PRDM16: variants seen among roughly 807,000 people sequenced by gnomAD.
The protein encoded by PRDM16 is PR/SET domain 16.
In PRDM16, 23 loss-of-function variants were observed where a neutral mutation model predicts 110.6. The ratio of observed to expected loss-of-function variants is 0.21; its 90% CI spans 0.15 to 0.29. The LOEUF (loss-of-function observed/expected upper bound fraction) is 0.29, where lower values mean the gene tolerates loss of function less well. PRDM16 is among the 10% of genes least tolerant of loss of function. The pLI, the probability that PRDM16 is intolerant of heterozygous loss-of-function variation, is 1.00. For synonymous variants in PRDM16, 799 were observed against 781.8 expected, an observed-to-expected ratio of 1.02 and a Z score of -0.37; for missense variants, 1,615 against 1,794.3, an observed-to-expected ratio of 0.90 and a Z score of 1.81.
chr1:3,093,708 G>T, intron 1 of PRDM16, among the ~76,000 whole-genome samples: 1 of 152,208 alleles, frequency 6.6e-6, no homozygotes, highest in Non-Finnish European at 1.5e-5. Context: ...GCCGGGCAGG[G>T]AGGGACCCCT....
At chr1:3,136,802 A>T (rs1473505262) in intron 1 of PRDM16, among the ~76,000 whole-genome samples, 1 of 152,158 alleles carries the variant, frequency 6.6e-6, no homozygotes, top group Non-Finnish European at 1.5e-5. Flanking sequence ...GCTGTAATCA[A>T]TATTTCATCC....
In PRDM16 at chr1:3,358,503, A is replaced by G. The variant is rs1642653980; in HGVS notation, c.439-26649A>G. 6.6e-6 allele frequency among the ~76,000 whole-genome samples: 1 copy of G among 152,156 alleles called. No individual in the cohort carries two copies. Among genetic ancestry groups the G allele is most frequent in the Non-Finnish European group, 1.5e-5 (1 of 68,022 alleles). ...GACTCCCAGCCGCGGCTTCGGATGC[A>G]GCTGGAATAAGGTTCCAGTGTTCCC... On this transcript the variant is annotated intron_variant, in intron 3 of 16. Coordinates refer to ENST00000270722, the MANE Select transcript of PRDM16 (RefSeq NM_022114.4). This position sits in a 1 kb window ranked among gnomAD's most constrained non-coding sequence, Gnocchi z 4.0.
At chr1:3,217,736 G>A (rs932813086) in intron 2 of PRDM16, among the ~76,000 whole-genome samples, 3 of 152,096 alleles carry the variant, frequency 2.0e-5, no homozygotes, top group African/African-American at 7.2e-5. Flanking sequence ...TTTCAACACG[G>A]GAGAGCTCTT....
At chr1:3,079,376 GCCCAGCCCCTGTGTGTGCACA>G (rs1234957244) in intron 1 of PRDM16, among the ~76,000 whole-genome samples, 9 of 145,556 alleles carry the variant, frequency 6.2e-5, no homozygotes, top group Non-Finnish European at 4.6e-5. Context: ...TGCCCTGCTG[GCCCAGCCCCTGTGTGTGCACA>G]GGGATCCTGC....
chr1:3,381,402 T>G (rs186007008), intron 3 of PRDM16, among the ~76,000 whole-genome samples: 1,938 of 122,406 alleles, frequency 0.016, 21 homozygotes, highest in South Asian at 0.034. Flanking sequence ...TTTTTCTGGT[T>G]TTTTTTTTTT....
In PRDM16 at chr1:3,290,398, G is replaced by A. The variant is rs1417243392; in HGVS notation, c.438+46261G>A. ...TATAGATGAGGAGGCACAGAGAGGGGGAAATTTGCCGGTTCCCCAAAGAGC... is the reference window on the plus strand; with the variant it reads ...TATAGATGAGGAGGCACAGAGAGGGAGAAATTTGCCGGTTCCCCAAAGAGC... On this transcript the variant is annotated intron_variant, in intron 3 of 16. Transcript: ENST00000270722. The surrounding 1 kb of genome is among the most constrained non-coding windows in gnomAD (Gnocchi z 4.8). 6.6e-6 allele frequency among the ~76,000 whole-genome samples: 1 copy of A among 152,210 alleles called. No homozygotes were observed. Among genetic ancestry groups the A allele is most frequent in the African/African-American group, 2.4e-5 (1 of 41,462 alleles).
intron 3 of PRDM16, among the ~76,000 whole-genome samples, chr1:3,319,079 AGAATTTTTTTTCAGAACCCAGG>A (rs1419388449): frequency 2.6e-5 from 4 of 152,166 alleles, no homozygotes; most frequent in Non-Finnish European, 4.4e-5. Context: ...AGTCAGGAGG[AGAATTTTTTTTCAGAACCCAGG>A]GAGCAAAAAC....
At chr1:3,204,564 C>T (rs902018149) in intron 2 of PRDM16, among the ~76,000 whole-genome samples, 1 of 152,194 alleles carries the variant, frequency 6.6e-6, no homozygotes, top group African/African-American at 2.4e-5. Flanking sequence ...CGTTTCTGAA[C>T]CAGTGTGTGG....
intron 3 of PRDM16, among the ~76,000 whole-genome samples, chr1:3,280,223 ACT>A (rs1276117446): frequency 1.3e-5 from 2 of 151,750 alleles, no homozygotes; most frequent in Non-Finnish European, 2.9e-5. Context: ...GTTGAAGCCG[ACT>A]CTGTGTGTTC....
At chr1:3,332,388 T>A (rs1642058602) in intron 3 of PRDM16, among the ~76,000 whole-genome samples, 1 of 48,338 alleles carries the variant, frequency 2.1e-5, no homozygotes, top group South Asian at 6.9e-4. Flanking sequence ...CGGGGTGGTG[T>A]GGGCAGTGGG....
chr1:3,238,779 C>T (rs956005109), intron 2 of PRDM16, among the ~76,000 whole-genome samples: 3 of 152,216 alleles, frequency 2.0e-5, no homozygotes, highest in Admixed American at 1.3e-4. Flanking sequence ...TGTCTTCTTC[C>T]TGCCGAGGCA....
rs376126631 is a variant in PRDM16 at position 3,432,143 on chromosome 1, A to G, written c.3696+3A>G. On this transcript the variant is annotated splice_donor_region_variant and intron_variant, in intron 16 of 16. Coordinates refer to ENST00000270722, the MANE Select transcript of PRDM16 (RefSeq NM_022114.4). ...TGTGCAGGCAGGCTAAGAACCAGGT[A>G]GGTACCCGCCAGAGCCCCTCCCCCA... 3 of 1,612,240 alleles carry G rather than the reference A, an allele frequency of 1.9e-6. No individual in the cohort carries two copies. Among genetic ancestry groups the G allele is most frequent in the East Asian group, 2.2e-5 (1 of 44,846 alleles).
rs1046554733 is a variant in PRDM16, at chr1:3,145,679, C to T, written c.38-40446C>T. 1.2e-4 allele frequency among the ~76,000 whole-genome samples: 18 copies of T among 152,202 alleles called. 1 individual carries two copies. Among genetic ancestry groups the T allele is most frequent in the South Asian group, 6.2e-4 (3 of 4,824 alleles). ...ACAGTCAGGACGTGCTTCACTCACCCGCCCCACCCGCTCCCGGTCTCTCAC... is the reference window on the plus strand; with the variant it reads ...ACAGTCAGGACGTGCTTCACTCACCTGCCCCACCCGCTCCCGGTCTCTCAC... On this transcript the variant is annotated intron_variant, in intron 1 of 16. Transcript: ENST00000270722.
At chr1:3,329,902 C>T (rs939860887) in intron 3 of PRDM16, among the ~76,000 whole-genome samples, 5 of 152,354 alleles carry the variant, frequency 3.3e-5, no homozygotes, top group Middle Eastern at 6.8e-3. Context: ...TGGGCTGAGC[C>T]GAGTCCCGCC....
At chr1:3,199,441 A>G (rs571515464) in intron 2 of PRDM16, among the ~76,000 whole-genome samples, 29 of 152,270 alleles carry the variant, frequency 1.9e-4, no homozygotes, top group Admixed American at 1.6e-3. Flanking sequence ...AACAGCTCAC[A>G]TGTTCCACCT....
At chr1:3,090,633 T>C (rs1642256381) in intron 1 of PRDM16, among the ~76,000 whole-genome samples, 1 of 152,230 alleles carries the variant, frequency 6.6e-6, no homozygotes, top group Admixed American at 6.5e-5. Flanking sequence ...ACTCTGTCCC[T>C]GGGCAGACTC....
At chr1:3,364,650 C>A (rs1642776850) in intron 3 of PRDM16, among the ~76,000 whole-genome samples, 1 of 152,230 alleles carries the variant, frequency 6.6e-6, no homozygotes, top group African/African-American at 2.4e-5. Flanking sequence ...TGGACAGCAG[C>A]ATAGTTATTT....
intron 4 of PRDM16, among the ~76,000 whole-genome samples, chr1:3,394,661 G>T (rs1328672046): frequency 6.6e-6 from 1 of 152,198 alleles, no homozygotes; most frequent in Non-Finnish European, 1.5e-5. Context: ...GCATCAGCCA[G>T]GCCGGGCAGT....
In PRDM16 at chr1:3,437,877, G is replaced by A. The variant is rs1476277669; in HGVS notation, c.*4066G>A. On this transcript the variant is annotated 3_prime_UTR_variant, in exon 17 of 17. Coordinates refer to ENST00000270722, the MANE Select transcript of PRDM16 (RefSeq NM_022114.4). Reference sequence around the variant, plus strand: ...CATTGCCACTGCGCTTTCGGCACGAGGGATGCTGAGCCCTGGTGTCAGAGT... The same window carrying A: ...CATTGCCACTGCGCTTTCGGCACGAAGGATGCTGAGCCCTGGTGTCAGAGT... 4 of 219,476 alleles carry A rather than the reference G, an allele frequency of 1.8e-5. No individual in the cohort carries two copies. The highest frequency in any genetic ancestry group is 3.7e-5 in the Non-Finnish European group (4 of 109,338). The allele number at this position is 219,476 out of a possible 1,614,324, so 13.6% of individuals were successfully genotyped here. A position where few individuals can be genotyped will look rare whatever the true frequency, so the allele number is the denominator to read the frequency against.
Sources: allele counts gnomAD v4.1 joint callset (sites outside exome capture counted in the v4.1 genomes callset), GRCh38; gene constraint gnomAD v4.1.1; non-coding constraint Gnocchi (gnomAD v3.1); transcripts MANE v1.5; gene names NCBI Gene and HGNC (gene_info 2026-07-23, HGNC 2026-07-21).